The following ZBTB20 variants were observed in gnomAD, a reference collection of about 807,000 sequenced individuals.
ZBTB20 encodes zinc finger and BTB domain-containing protein 20.
Under a neutral mutation model 56.9 loss-of-function variants are expected in ZBTB20, and 9 were observed. The ratio of observed to expected loss-of-function variants is 0.16; its 90% CI spans 0.10 to 0.28. The LOEUF (loss-of-function observed/expected upper bound fraction) is 0.28, where lower values mean the gene tolerates loss of function less well. Among genes scored for constraint, ZBTB20 ranks in the 10% least tolerant of loss-of-function variants. The pLI, the probability that ZBTB20 is intolerant of heterozygous loss-of-function variation, is 1.00. For synonymous variants in ZBTB20, 417 were observed against 420.7 expected, an observed-to-expected ratio of 0.99 and a Z score of 0.11; for missense variants, 655 against 1,003.0, an observed-to-expected ratio of 0.65 and a Z score of 4.69.
At chr3:114,466,429 G>A (rs1191717332) in intron 7 of ZBTB20, among the ~76,000 whole-genome samples, 1 of 152,084 alleles carries the variant, frequency 6.6e-6, no homozygotes, top group Non-Finnish European at 1.5e-5. Flanking sequence ...TTTCCTATCT[G>A]TTGCCTCCAT....
At chr3:114,951,214 T>C (rs2107911271) in intron 3 of ZBTB20, among the ~76,000 whole-genome samples, 1 of 152,284 alleles carries the variant, frequency 6.6e-6, no homozygotes, top group East Asian at 1.9e-4. Context: ...TTAAAAACAA[T>C]TGCGACCATA....
intron 5 of ZBTB20, among the ~76,000 whole-genome samples, chr3:114,773,643 A>G (rs1030072136): frequency 4.6e-5 from 7 of 152,148 alleles, no homozygotes; most frequent in Admixed American, 1.3e-4. Flanking sequence ...ACATTACTCA[A>G]ACCAACTAAA....
chr3:115,132,250 CTTA>C (rs2084528279), intron 1 of ZBTB20, among the ~76,000 whole-genome samples: 2 of 152,038 alleles, frequency 1.3e-5, no homozygotes, highest in Admixed American at 6.6e-5. Flanking sequence ...TCTTGAAAAA[CTTA>C]TTAATAGGCA....
At chr3:114,403,426 G>T (rs1234801588) in intron 7 of ZBTB20, among the ~76,000 whole-genome samples, 1 of 152,122 alleles carries the variant, frequency 6.6e-6, no homozygotes, top group East Asian at 1.9e-4. Flanking sequence ...GACTTACAAA[G>T]GCACAGCAGT....
intron 2 of ZBTB20, among the ~76,000 whole-genome samples, chr3:115,022,186 T>A (rs999892357): frequency 8.6e-5 from 13 of 150,794 alleles, no homozygotes; most frequent in African/African-American, 2.9e-4. Context: ...GAAAAAGTAT[T>A]ATTTATAAAA....
intron 1 of ZBTB20, among the ~76,000 whole-genome samples, chr3:115,072,843 C>A (rs143783919): frequency 6.6e-6 from 1 of 152,316 alleles, no homozygotes; most frequent in East Asian, 1.9e-4. Context: ...CTACCAATTA[C>A]ATCAATGACT....
At chr3:114,641,973 T>C (rs879320507) in intron 6 of ZBTB20, among the ~76,000 whole-genome samples, 10 of 152,080 alleles carry the variant, frequency 6.6e-5, no homozygotes, top group Non-Finnish European at 1.3e-4. Context: ...GGGCTAATCC[T>C]GTTATGCATG....
rs1052948327 is a variant in ZBTB20, at chr3:114,369,894, C to G, written c.199+10323G>C. ...AAATTGTTAAGATGATTTAAATGTT[C>G]AAAGTGTATGACACCTATCCTCTGC... On this transcript the variant is annotated intron_variant, in intron 10 of 11. Coordinates refer to ENST00000675478, the MANE Select transcript of ZBTB20 (RefSeq NM_001348800.3). Among the ~76,000 whole-genome samples, 3 of 152,252 alleles carry G rather than the reference C, an allele frequency of 2.0e-5. No individual in the cohort carries two copies. The East Asian group carries it at 5.8e-4, about 29-fold the overall frequency.
chr3:114,867,930 T>A (rs542587629), intron 4 of ZBTB20, among the ~76,000 whole-genome samples: 19 of 152,296 alleles, frequency 1.2e-4, no homozygotes, highest in South Asian at 4.1e-4. Flanking sequence ...GCTCAACACC[T>A]GTTAGACACC....
intron 4 of ZBTB20, among the ~76,000 whole-genome samples, chr3:114,879,942 T>C (rs995854353): frequency 6.6e-6 from 1 of 152,166 alleles, no homozygotes; most frequent in Non-Finnish European, 1.5e-5. Flanking sequence ...ATGATATATA[T>C]GCTCAAAATC....
At chr3:114,515,557 CCA>C (rs553981205) in intron 6 of ZBTB20, among the ~76,000 whole-genome samples, 33 of 152,300 alleles carry the variant, frequency 2.2e-4, no homozygotes, top group African/African-American at 7.5e-4. Context: ...CTTTTTCACT[CCA>C]CAGTTTCATT....
chr3:114,380,365 C>G lies in ZBTB20; in HGVS notation c.51G>C (p.Glu17Asp). The G allele has an allele frequency of 6.5e-7, 1 of 1,536,622 alleles. No individual in the cohort carries two copies. Among genetic ancestry groups the G allele is most frequent in the Non-Finnish European group, 8.7e-7 (1 of 1,146,628 alleles). Reference sequence around the variant, plus strand: ...CACCCGGCTGAGTAATCTCATTCTCCTCAGATGCCTTCTGGTTTTCAGCTG... The same window carrying G: ...CACCCGGCTGAGTAATCTCATTCTCGTCAGATGCCTTCTGGTTTTCAGCTG... ...PKTAENQKAS[E>D]ENEITQPGGS... The change falls in exon 10 of 12, where the codon GAG (glutamate) becomes GAC (aspartate). Residue 17 changes from glutamate to aspartate, a missense_variant. Glu to Asp is a conservative substitution (Grantham distance 45). Around this residue, in one of 10 missense-constraint regions of ZBTB20, gnomAD observed 79 missense variants for 78.4 expected, o/e 1.01. Coordinates refer to ENST00000675478, the MANE Select transcript of ZBTB20 (RefSeq NM_001348800.3).
chr3:114,580,125 TA>T (rs1437432860), intron 6 of ZBTB20, among the ~76,000 whole-genome samples: 1 of 151,662 alleles, frequency 6.6e-6, no homozygotes, highest in Non-Finnish European at 1.5e-5. Flanking sequence ...TACATGTCAG[TA>T]AATTAAACTC....
intron 6 of ZBTB20, among the ~76,000 whole-genome samples, chr3:114,584,491 AC>A (rs1236783096): frequency 1.3e-5 from 2 of 150,038 alleles, no homozygotes; most frequent in African/African-American, 4.9e-5. Flanking sequence ...AACTATCTTC[AC>A]CTCTTTTTCC....
intron 4 of ZBTB20, among the ~76,000 whole-genome samples, chr3:114,876,878 T>C (rs2076219439): frequency 6.6e-6 from 1 of 152,158 alleles, no homozygotes; most frequent in Non-Finnish European, 1.5e-5. Flanking sequence ...GCTTCCATAA[T>C]ATTTTATCTC....
At chr3:114,701,850 C>T (rs1445437330) in intron 5 of ZBTB20, among the ~76,000 whole-genome samples, 1 of 152,162 alleles carries the variant, frequency 6.6e-6, no homozygotes, top group African/African-American at 2.4e-5. Context: ...TCTTGCTTTG[C>T]TCTTGGCTCT....
intron 1 of ZBTB20, among the ~76,000 whole-genome samples, chr3:115,137,982 C>A (rs1471634571): frequency 6.6e-6 from 1 of 151,980 alleles, no homozygotes; most frequent in Non-Finnish European, 1.5e-5. Flanking sequence ...TCTTTGTTTT[C>A]GAAACTCTCA....
chr3:115,048,630 G>C (rs2081424775), intron 2 of ZBTB20, among the ~76,000 whole-genome samples: 1 of 152,090 alleles, frequency 6.6e-6, no homozygotes, highest in South Asian at 2.1e-4. Context: ...TTCACAAAAT[G>C]AATCAAATTC....
At chr3:114,585,648 A>T (rs573984927) in intron 6 of ZBTB20, among the ~76,000 whole-genome samples, 24 of 152,050 alleles carry the variant, frequency 1.6e-4, no homozygotes, top group South Asian at 4.2e-4. Context: ...GTACCACTAT[A>T]CCTAATCCCT....
Sources: gnomAD v4.1 joint callset for allele counts (sites outside exome capture counted in the v4.1 genomes callset) on GRCh38, gnomAD v4.1.1 for gene constraint, gnomAD v4.1.1 regional missense constraint, MANE v1.5 for transcripts, NCBI Gene and HGNC (gene_info 2026-07-23, HGNC 2026-07-21) for gene names.